SHLD3: variants seen among roughly 807,000 people sequenced by gnomAD.
SHLD3 encodes the protein REV7-interacting novel NHEJ regulator 1.
In SHLD3, 15 loss-of-function variants were observed where a neutral mutation model predicts 21.4. The observed-to-expected ratio is 0.70, with a 90% confidence interval of 0.47 to 1.08. SHLD3 has a LOEUF of 1.08. SHLD3 is among the 50% of genes least tolerant of loss of function. The pLI is 0.00. For missense variants in SHLD3, 273 were observed against 286.1 expected (o/e 0.95, Z 0.33); for synonymous variants, 103 against 97.2 (o/e 1.06, Z -0.35).
In SHLD3 at chr5:65,625,044, CA is replaced by C. The variant is rs762109754; in HGVS notation, c.-179del. ...TGTCCAGCCCCCGTAGGCTGTGGGT[CA>C]AAAGTGCCGGTCAAAATGGAAGTGA... is the stretch of plus-strand genomic sequence containing the variant. On this transcript the variant is annotated 5_prime_UTR_variant, in exon 1 of 2. Coordinates refer to ENST00000510585, the MANE Select transcript of SHLD3 (RefSeq NM_001365341.2). 6.2e-7 allele frequency: 1 copy of C among 1,612,654 alleles called. No homozygotes were observed. Among genetic ancestry groups the C allele is most frequent in the Non-Finnish European group, 8.5e-7 (1 of 1,178,758 alleles).
Position 65,630,426 on chromosome 5 carries a change from A to G in SHLD3, c.*86A>G. The G allele has an allele frequency of 1.4e-6, 2 of 1,405,910 alleles. No individual in the cohort carries two copies. The highest frequency in any genetic ancestry group is 1.8e-6 in the Non-Finnish European group (2 of 1,086,980). 87.1% of individuals were successfully genotyped at this position (1,405,910 alleles called of 1,614,324 possible). ...TAAAATAATTTTTACAGGTTTTAAA[A>G]TTTTTAATGACTTTTTAGAATTCCT... On this transcript the variant is annotated 3_prime_UTR_variant, in exon 2 of 2. Coordinates refer to ENST00000510585, the MANE Select transcript of SHLD3 (RefSeq NM_001365341.2).
intron 1 of SHLD3, among the ~76,000 whole-genome samples, chr5:65,627,105 C>T (rs1381327796): frequency 2.6e-5 from 3 of 116,956 alleles, no homozygotes; most frequent in Non-Finnish European, 4.9e-5. Context: ...GCACTCCAGC[C>T]TGGGTGACAG....
intron 1 of SHLD3, among the ~76,000 whole-genome samples, chr5:65,628,099 C>CA (rs1755334492): frequency 6.6e-6 from 1 of 152,140 alleles, no homozygotes; most frequent in African/African-American, 2.4e-5. Context: ...GCCTGATTAG[C>CA]AAGCCTAACT....
chr5:65,628,824 A>AT lies in SHLD3; in HGVS notation c.-120-630dup, dbSNP rs11348831. ...TTAATTTTCTTCCAGACAGATTAGA[A>AT]TTTTTTTTTTTTTTAATGAGATGAA... On this transcript the variant is annotated intron_variant, in intron 1 of 1. Coordinates refer to ENST00000510585, the MANE Select transcript of SHLD3 (RefSeq NM_001365341.2). 2.9e-3 allele frequency among the ~76,000 whole-genome samples: 423 copies of AT among 144,284 alleles called. 2 individuals carry two copies. Among genetic ancestry groups the AT allele is most frequent in the East Asian group, 0.014 (69 of 4,958 alleles). The allele number at this position is 144,284 out of a possible 152,430, so 94.7% of individuals were successfully genotyped here. A position where few individuals can be genotyped will look rare whatever the true frequency, so the allele number is the denominator to read the frequency against.
rs191382306 is a variant in SHLD3, at chr5:65,628,751, A to T, written c.-120-717A>T. On this transcript the variant is annotated intron_variant, in intron 1 of 1. Coordinates refer to ENST00000510585, the MANE Select transcript of SHLD3 (RefSeq NM_001365341.2). Reference sequence around the variant, plus strand: ...CCCATAAAGTTCTGGGATTACAGGCATGAGCCACCGCACCTGGCAAATCTA... The same window carrying T: ...CCCATAAAGTTCTGGGATTACAGGCTTGAGCCACCGCACCTGGCAAATCTA... Among the ~76,000 whole-genome samples the T allele has an allele frequency of 6.0e-3, 915 of 152,130 alleles. 4 individuals carry two copies. Among genetic ancestry groups the T allele is most frequent in the African/African-American group, 0.021 (870 of 41,514 alleles).
Position 65,629,560 on chromosome 5 carries a change from T to G in SHLD3, c.-28T>G. On this transcript the variant is annotated 5_prime_UTR_variant, in exon 2 of 2. Coordinates refer to ENST00000510585, the MANE Select transcript of SHLD3 (RefSeq NM_001365341.2). ...GGAGTTCAACTAAGAAATTTTCTCA[T>G]CACTAAGAGTAACTGGATTACTGCA... 1 of 1,487,794 alleles carries G rather than the reference T, an allele frequency of 6.7e-7. No homozygotes were observed. The highest frequency in any genetic ancestry group is 8.9e-7 in the Non-Finnish European group (1 of 1,124,518). 92.2% of individuals were successfully genotyped at this position (1,487,794 alleles called of 1,614,324 possible). A position where few individuals can be genotyped will look rare whatever the true frequency, so the allele number is the denominator to read the frequency against.
At chr5:65,629,113 A>G (rs1755401831) in intron 1 of SHLD3, among the ~76,000 whole-genome samples, 1 of 152,204 alleles carries the variant, frequency 6.6e-6, no homozygotes, top group South Asian at 2.1e-4. Flanking sequence ...TCATATGAAA[A>G]CAATATTTTA....
In SHLD3 at chr5:65,629,526, T is replaced by C; in HGVS notation, c.-62T>C. On this transcript the variant is annotated 5_prime_UTR_variant, in exon 2 of 2. Transcript: ENST00000510585. ...ATCTTGCAATAATAAATTAACATTC[T>C]AGCTCTGAGGAGTTCAACTAAGAAA... The C allele has an allele frequency of 6.9e-7, 1 of 1,454,390 alleles. No individual in the cohort carries two copies. The highest frequency in any genetic ancestry group is 2.6e-5 in the Admixed American group (1 of 37,736). The allele number at this position is 1,454,390 out of a possible 1,614,324, so 90.1% of individuals were successfully genotyped here.
In SHLD3 at chr5:65,629,801, T is replaced by C. The variant is rs967519288; in HGVS notation, c.214T>C (p.Leu72=). The C allele has an allele frequency of 6.5e-7, 1 of 1,535,968 alleles. No homozygotes were observed. The highest frequency in any genetic ancestry group is 8.7e-7 in the Non-Finnish European group (1 of 1,146,886). The change falls in exon 2 of 2, where the codon TTA becomes CTA. Residue 72 remains leucine (L), a synonymous_variant. Coordinates refer to ENST00000510585, the MANE Select transcript of SHLD3 (RefSeq NM_001365341.2). The part of the protein sequence containing the change: ...EEAAEDVKQY[L]TISEHDAKSH... ...GGCAGCTGAAGATGTGAAACAGTAC[T>C]TAACCATTTCAGAACATGATGCTAA...
At chr5:65,625,390 A>T (rs1755163970) in intron 1 of SHLD3, 1 of 412,642 alleles carries the variant, frequency 2.4e-6, no homozygotes, top group Non-Finnish European at 4.3e-6. Context: ...CCTACCGTGG[A>T]GATCTCTGTG....
chr5:65,625,285 C>T (rs1284154487), intron 1 of SHLD3, 179 bp downstream of exon 1: 4 of 606,952 alleles, frequency 6.6e-6, no homozygotes, highest in South Asian at 4.0e-5. Flanking sequence ...TTTATGGGCC[C>T]CTTTCTAGAA....
intron 1 of SHLD3, among the ~76,000 whole-genome samples, chr5:65,628,761 G>A (rs769004356): frequency 1.8e-4 from 27 of 151,626 alleles, no homozygotes; most frequent in South Asian, 6.3e-4. Context: ...ATGAGCCACC[G>A]CACCTGGCAA....
rs1433055531 is a variant in SHLD3, at chr5:65,629,887, G to C, written c.300G>C (p.Gln100His). ...AGTTTCAACCTAGCTTGAAAAAGCAGCATTTAACCTGGTCACACACACTGA... is the reference window on the plus strand; with the variant it reads ...AGTTTCAACCTAGCTTGAAAAAGCACCATTTAACCTGGTCACACACACTGA... ...LLEFQPSLKK[Q>H]HLTWSHTLKE... Residue 100 changes from glutamine (Q) to histidine (H), a missense_variant, in exon 2 of 2, where the codon CAG becomes CAC. Coordinates refer to ENST00000510585, the MANE Select transcript of SHLD3 (RefSeq NM_001365341.2). 7.8e-6 allele frequency: 12 copies of C among 1,535,936 alleles called. No homozygotes were observed. Among genetic ancestry groups the C allele is most frequent in the Non-Finnish European group, 1.0e-5 (12 of 1,146,894 alleles).
intron 1 of SHLD3, among the ~76,000 whole-genome samples, chr5:65,625,689 ATTAT>A (rs1755184615): frequency 6.6e-6 from 1 of 152,154 alleles, no homozygotes; most frequent in African/African-American, 2.4e-5. Context: ...TAATTAGATC[ATTAT>A]TTAGGAAAAA....
At chr5:65,626,684 C>G (rs528646383) in intron 1 of SHLD3, among the ~76,000 whole-genome samples, 43 of 151,680 alleles carry the variant, frequency 2.8e-4, no homozygotes, top group Non-Finnish European at 1.6e-4. Context: ...TGCAGTGATC[C>G]GAGATCACGC....
In SHLD3 at chr5:65,630,214, C is replaced by G. The variant is rs1302941179; in HGVS notation, c.627C>G (p.Gly209=). ...ATGCTACAATTCAGAGGCATTTAGG[C>G]CAAATATGGGTGTTCTGTGATATTA... The part of the protein sequence containing the change: ...SCNATIQRHL[G]QIWVFCDIMY... The change falls in exon 2 of 2, where the codon GGC becomes GGG. Residue 209 remains glycine, a synonymous_variant. Coordinates refer to ENST00000510585, the MANE Select transcript of SHLD3 (RefSeq NM_001365341.2). The G allele has an allele frequency of 6.5e-7, 1 of 1,535,808 alleles. No individual in the cohort carries two copies. The highest frequency in any genetic ancestry group is 8.7e-7 in the Non-Finnish European group (1 of 1,146,806).
In SHLD3 at chr5:65,629,752, A is replaced by G. The variant is rs1755447326; in HGVS notation, c.165A>G (p.Arg55=). 1 of 1,536,110 alleles carries G rather than the reference A, an allele frequency of 6.5e-7. No homozygotes were observed. The highest frequency in any genetic ancestry group is 1.4e-5 in the African/African-American group (1 of 73,180). ...DGSKLPLRPK[R]SPPVISEEAA... is the part of the protein sequence containing the mutation. ...CCAAGCTTCCACTCAGACCTAAAAG[A>G]TCACCACCTGTGATTTCTGAAGAGG... Residue 55 remains arginine, a synonymous_variant, in exon 2 of 2, where the codon AGA becomes AGG. Transcript: ENST00000510585.
In SHLD3 at chr5:65,625,191, T is replaced by G. The variant is rs926656697; in HGVS notation, c.-121+85T>G. 106 of 1,148,994 alleles carry G rather than the reference T, an allele frequency of 9.2e-5. No homozygotes were observed. In the Admixed American group the frequency reaches 1.8e-3, roughly 20 times the overall value. 71.2% of individuals were successfully genotyped at this position (1,148,994 alleles called of 1,614,324 possible). A position where few individuals can be genotyped will look rare whatever the true frequency, so the allele number is the denominator to read the frequency against. ...AGCCTTTGCCATGTAGGCCTCATCC[T>G]TCTTAAACACTCAGTGCTCGCCCTC... On this transcript the variant is annotated intron_variant, in intron 1 of 1. Transcript: ENST00000510585.
chr5:65,625,054 G>C lies in SHLD3; in HGVS notation c.-173G>C. 1 of 1,613,360 alleles carries C rather than the reference G, an allele frequency of 6.2e-7. No homozygotes were observed. The highest frequency in any genetic ancestry group is 2.2e-5 in the East Asian group (1 of 44,874). ...CCGTAGGCTGTGGGTCAAAAGTGCC[G>C]GTCAAAATGGAAGTGAATCCCCCTA... On this transcript the variant is annotated 5_prime_UTR_variant, in exon 1 of 2. Coordinates refer to ENST00000510585, the MANE Select transcript of SHLD3 (RefSeq NM_001365341.2).
Sources: gnomAD v4.1 joint callset for allele counts (sites outside exome capture counted in the v4.1 genomes callset) on GRCh38, gnomAD v4.1.1 for gene constraint, MANE v1.5 for transcripts, NCBI Gene and HGNC (gene_info 2026-07-23, HGNC 2026-07-21) for gene names.